Variants in HS2ST1 observed in about 807,000 individuals in gnomAD.
HS2ST1 encodes the protein 2-O-sulfotransferase.
In HS2ST1, 18 loss-of-function variants were observed where a neutral mutation model predicts 42.9. The ratio of observed to expected loss-of-function variants is 0.42; its 90% confidence interval spans 0.29 to 0.62. The LOEUF is 0.62. Among genes scored for constraint, HS2ST1 ranks in the 20% least tolerant of loss-of-function variants. The probability of loss-of-function intolerance (pLI) is 0.21; values close to 1 mark genes in which losing one functional copy is unlikely to be tolerated. For missense variants in HS2ST1, 334 were observed against 433.8 expected (o/e 0.77, Z 2.04); for synonymous variants, 146 against 152.9 (o/e 0.95, Z 0.33).
intron 2 of HS2ST1, among the ~76,000 whole-genome samples, chr1:87,081,627 A>C (rs1651692426): frequency 6.6e-6 from 1 of 152,208 alleles, no homozygotes; most frequent in African/African-American, 2.4e-5. Flanking sequence ...CATCTTAAAG[A>C]GCTAGAAAAG....
intron 1 of HS2ST1, among the ~76,000 whole-genome samples, chr1:86,961,123 T>A (rs891177840): frequency 7.6e-6 from 1 of 132,404 alleles, no homozygotes; most frequent in African/African-American, 2.8e-5. Context: ...TGAAAAGACA[T>A]GCACAGAGTC....
chr1:87,019,469 A>G (rs1337278608), intron 1 of HS2ST1, among the ~76,000 whole-genome samples: 1 of 152,220 alleles, frequency 6.6e-6, no homozygotes, highest in African/African-American at 2.4e-5. Context: ...ACTTGAATAA[A>G]TTTGTGAAAT....
At chr1:87,013,859 A>G (rs1459936214) in intron 1 of HS2ST1, among the ~76,000 whole-genome samples, 2 of 152,180 alleles carry the variant, frequency 1.3e-5, no homozygotes, top group Non-Finnish European at 2.9e-5. Context: ...TCTCAAGTTC[A>G]AAGTTCCACA....
chr1:87,085,170 G>A (rs1651791209), intron 3 of HS2ST1, among the ~76,000 whole-genome samples: 1 of 152,040 alleles, frequency 6.6e-6, no homozygotes, highest in Non-Finnish European at 1.5e-5. Flanking sequence ...TTTTCCCTAA[G>A]ATTCTGCATT....
At chr1:86,988,356 G>A (rs1648850547) in intron 1 of HS2ST1, among the ~76,000 whole-genome samples, 1 of 152,184 alleles carries the variant, frequency 6.6e-6, no homozygotes, top group Admixed American at 6.5e-5. Context: ...CTCTCTCTCA[G>A]TATCAACGTA....
At chr1:87,085,344 C>T (rs187887164) in intron 3 of HS2ST1, among the ~76,000 whole-genome samples, 186 of 152,090 alleles carry the variant, frequency 1.2e-3, no homozygotes, top group African/African-American at 4.2e-3. Context: ...ATCCCACTCT[C>T]AGTTTTACTT....
chr1:87,081,970 CAAAAAAAAAAAAAAGAAAA>C (rs1380341743), intron 2 of HS2ST1, among the ~76,000 whole-genome samples: 2 of 62,710 alleles, frequency 3.2e-5, no homozygotes, highest in African/African-American at 6.2e-5. Flanking sequence ...GACTCCGTCT[CAAAAAAAAAAAAAAGAAAA>C]AAAAGAAAAA....
chr1:87,019,098 A>G (rs1334834026), intron 1 of HS2ST1, among the ~76,000 whole-genome samples: 1 of 152,228 alleles, frequency 6.6e-6, no homozygotes, highest in African/African-American at 2.4e-5. Flanking sequence ...TTTTAGATTT[A>G]TCAATCAGCA....
In HS2ST1 at chr1:87,021,016, C is replaced by T. The variant is rs1262111010; in HGVS notation, c.125-51918C>T. Among the ~76,000 whole-genome samples the T allele has an allele frequency of 3.3e-5, 5 of 152,142 alleles. No homozygotes were observed. In the East Asian group the frequency reaches 9.6e-4, roughly 29 times the overall value. ...TTAGTACCCCAGCTACTCCTCTTTT[C>T]CCATTTAAGATGACCTTTCTCCTAT... On this transcript the variant is annotated intron_variant, in intron 1 of 6. Transcript: ENST00000370550.
intron 1 of HS2ST1, among the ~76,000 whole-genome samples, chr1:86,942,528 T>C (rs1660785668): frequency 6.6e-6 from 1 of 152,220 alleles, no homozygotes; most frequent in Non-Finnish European, 1.5e-5. Flanking sequence ...TAAACATTTT[T>C]GGAGTTCTAA....
At chr1:87,066,570 A>G (rs1271666365) in intron 1 of HS2ST1, among the ~76,000 whole-genome samples, 1 of 152,038 alleles carries the variant, frequency 6.6e-6, no homozygotes, top group Non-Finnish European at 1.5e-5. Context: ...TTTTTATCTT[A>G]AAAAATTTTT....
chr1:86,999,606 G>T (rs1649217283), intron 1 of HS2ST1, among the ~76,000 whole-genome samples: 1 of 152,082 alleles, frequency 6.6e-6, no homozygotes, highest in South Asian at 2.1e-4. Context: ...ACCAATGTCT[G>T]TTCTCTCTCC....
At position 87,045,747 on chromosome 1, in the gene HS2ST1, A is replaced by C. The variant is rs1009287486; in HGVS notation, c.125-27187A>C. On this transcript the variant is annotated intron_variant, in intron 1 of 6. Transcript: ENST00000370550. ...GATATCAAATCTACTCTTCATATTC[A>C]TACTGAAAATATGCATCCTGAGGTT... 7.6e-5 allele frequency: 70 copies of C among 918,070 alleles called. No homozygotes were observed. In the African/African-American group the frequency reaches 1.1e-3, roughly 14 times the overall value. 56.9% of individuals were successfully genotyped at this position (918,070 alleles called of 1,614,324 possible). A position where few individuals can be genotyped will look rare whatever the true frequency, so the allele number is the denominator to read the frequency against.
intron 3 of HS2ST1, among the ~76,000 whole-genome samples, chr1:87,087,307 TAA>T (rs1026685694): frequency 2.0e-5 from 3 of 152,166 alleles, no homozygotes; most frequent in Non-Finnish European, 4.4e-5. Flanking sequence ...CAGACTCTGC[TAA>T]GTTTTTTATG....
At position 87,102,601 on chromosome 1, in the gene HS2ST1, TA is replaced by T. The variant is rs1210065955; in HGVS notation, c.687-826del. ...AATATTTATCCTCTGGCCTTTTATATAAAAAGTTTGCCAATCCCTGCCTTAG... is the reference window on the plus strand; with the variant it reads ...AATATTTATCCTCTGGCCTTTTATATAAAAGTTTGCCAATCCCTGCCTTAG... On this transcript the variant is annotated intron_variant, in intron 5 of 6. Transcript: ENST00000370550. Among the ~76,000 whole-genome samples the T allele has an allele frequency of 2.0e-5, 3 of 152,336 alleles. No individual in the cohort carries two copies. The East Asian group carries it at 5.8e-4, about 29-fold the overall frequency.
intron 1 of HS2ST1, chr1:86,993,273 G>A (rs900451730): frequency 2.0e-6 from 2 of 1,021,382 alleles, no homozygotes; most frequent in Non-Finnish European, 2.8e-6. Flanking sequence ...GGATTTGGCA[G>A]GGGGGTACCC....
chr1:87,052,383 C>T (rs1435171260), intron 1 of HS2ST1, among the ~76,000 whole-genome samples: 1 of 152,066 alleles, frequency 6.6e-6, no homozygotes, highest in African/African-American at 2.4e-5. Flanking sequence ...TTCATATATA[C>T]GTGAATGTTC....
intron 1 of HS2ST1, among the ~76,000 whole-genome samples, chr1:87,042,914 A>G (rs913071956): frequency 1.3e-5 from 2 of 152,140 alleles, no homozygotes; most frequent in African/African-American, 4.8e-5. Context: ...AAATTAAGTT[A>G]AATGACTACA....
rs114183934 is a variant in HS2ST1, at chr1:87,005,771, A to G, written c.125-67163A>G. 6.7e-3 allele frequency among the ~76,000 whole-genome samples: 1,027 copies of G among 152,290 alleles called. 6 individuals carry two copies. Among genetic ancestry groups the G allele is most frequent in the Non-Finnish European group, 0.011 (767 of 67,986 alleles). ...GCCAATCCTTGTTCTCCTCAGTCAT[A>G]TTACCAAAATTTGGTGTACTTTGAA... is the stretch of plus-strand genomic sequence containing the variant. On this transcript the variant is annotated intron_variant, in intron 1 of 6. Coordinates refer to ENST00000370550, the MANE Select transcript of HS2ST1 (RefSeq NM_012262.4).
Sources: gnomAD v4.1 joint callset for allele counts (sites outside exome capture counted in the v4.1 genomes callset) on GRCh38, gnomAD v4.1.1 for gene constraint, MANE v1.5 for transcripts, NCBI Gene and HGNC (gene_info 2026-07-23, HGNC 2026-07-21) for gene names.